CDH13: variants seen among roughly 807,000 people sequenced by gnomAD.
CDH13 encodes the protein cadherin 13, also known as cadherin-13.
Under a neutral mutation model 63.8 loss-of-function variants are expected in CDH13, and 24 were observed. The observed-to-expected ratio is 0.38, with a 90% confidence interval of 0.27 to 0.53. CDH13 has a LOEUF of 0.53. Ranked by LOEUF, CDH13 falls within the 20% of genes least tolerant of loss-of-function variation. The pLI, the probability that CDH13 is intolerant of heterozygous loss-of-function variation, is 0.85. For synonymous variants in CDH13, 503 were observed against 355.3 expected (o/e 1.42, Z -4.67); for missense variants, 1,049 against 903.1 (o/e 1.16, Z -2.07).
At chr16:83,546,601 C>T (rs766271587) in intron 7 of CDH13, among the ~76,000 whole-genome samples, 5 of 152,052 alleles carry the variant, frequency 3.3e-5, no homozygotes, top group Non-Finnish European at 7.3e-5. Flanking sequence ...GTATAACCAA[C>T]GTCTTATGCC....
chr16:83,188,037 C>G (rs1168900815), intron 4 of CDH13, among the ~76,000 whole-genome samples: 2 of 152,256 alleles, frequency 1.3e-5, no homozygotes, highest in East Asian at 3.9e-4. Context: ...ATGGCTGAAG[C>G]AGAGGGAGCA....
intron 2 of CDH13, 154 bp downstream of exon 2, chr16:82,858,627 A>C: frequency 1.4e-6 from 1 of 690,854 alleles, no homozygotes; most frequent in East Asian, 2.7e-5. Flanking sequence ...GAAATTCTTG[A>C]ATGAGGGCCT....
chr16:83,724,944 A>G (rs1910204978), intron 10 of CDH13, among the ~76,000 whole-genome samples: 1 of 152,206 alleles, frequency 6.6e-6, no homozygotes, highest in Non-Finnish European at 1.5e-5. Flanking sequence ...TGTCCTCATT[A>G]GGCCAATCAA....
chr16:82,881,688 G>T (rs1382564334), intron 2 of CDH13, among the ~76,000 whole-genome samples: 1 of 152,118 alleles, frequency 6.6e-6, no homozygotes, highest in Non-Finnish European at 1.5e-5. Flanking sequence ...AAGCCATCTG[G>T]TATCCATGGA....
chr16:83,455,284 C>A (rs1482942632), intron 6 of CDH13, among the ~76,000 whole-genome samples: 3 of 152,122 alleles, frequency 2.0e-5, no homozygotes, highest in Non-Finnish European at 4.4e-5. Flanking sequence ...TTCACTAACC[C>A]CCTCTAAACC....
At chr16:83,635,769 C>CAA (rs1911205690) in intron 8 of CDH13, among the ~76,000 whole-genome samples, 1 of 152,128 alleles carries the variant, frequency 6.6e-6, no homozygotes, top group Non-Finnish European at 1.5e-5. Context: ...TGTTCGTTAT[C>CAA]TTAATAGAAT....
intron 1 of CDH13, among the ~76,000 whole-genome samples, chr16:82,801,411 A>G (rs1318002204): frequency 6.6e-6 from 1 of 152,188 alleles, no homozygotes; most frequent in Non-Finnish European, 1.5e-5. Flanking sequence ...AGTCTAATCC[A>G]CACTGTCTCT....
At chr16:83,010,360 CTG>C (rs1384074735) in intron 2 of CDH13, among the ~76,000 whole-genome samples, 2 of 152,020 alleles carry the variant, frequency 1.3e-5, no homozygotes, top group African/African-American at 4.8e-5. Flanking sequence ...CCTGCATTAA[CTG>C]TAAGAGAAAG....
chr16:83,244,122 C>T (rs1473642216), intron 5 of CDH13, among the ~76,000 whole-genome samples: 2 of 151,910 alleles, frequency 1.3e-5, no homozygotes, highest in African/African-American at 4.8e-5. Context: ...CTCTTTTTTT[C>T]AGCATCCATT....
At chr16:83,715,117 C>A (rs1908690960) in intron 10 of CDH13, among the ~76,000 whole-genome samples, 1 of 152,050 alleles carries the variant, frequency 6.6e-6, no homozygotes, top group African/African-American at 2.4e-5. Flanking sequence ...TCATAAATAC[C>A]CCCACCTTAT....
At chr16:83,631,110 A>T (rs1364775524) in intron 8 of CDH13, among the ~76,000 whole-genome samples, 1 of 152,188 alleles carries the variant, frequency 6.6e-6, no homozygotes. Context: ...GCATGGTTCT[A>T]GTGAATGTAA....
intron 4 of CDH13, among the ~76,000 whole-genome samples, chr16:83,136,528 A>AAGG (rs1238152230): frequency 6.6e-6 from 1 of 151,268 alleles, no homozygotes; most frequent in Non-Finnish European, 1.5e-5. Flanking sequence ...TCACTAGAGG[A>AAGG]AGGAGAAACA....
intron 1 of CDH13, among the ~76,000 whole-genome samples, chr16:82,765,508 C>T (rs993213387): frequency 6.6e-6 from 1 of 152,164 alleles, no homozygotes; most frequent in East Asian, 1.9e-4. Context: ...CACCAACCAC[C>T]CCGTGAGCCT....
At chr16:83,563,047 T>C (rs1342473908) in intron 7 of CDH13, among the ~76,000 whole-genome samples, 2 of 152,224 alleles carry the variant, frequency 1.3e-5, no homozygotes, top group African/African-American at 4.8e-5. Context: ...GATTAGCTGG[T>C]CTACAAGATT....
At chr16:83,500,109 T>C (rs1312499979) in intron 7 of CDH13, among the ~76,000 whole-genome samples, 1 of 151,722 alleles carries the variant, frequency 6.6e-6, no homozygotes, top group Non-Finnish European at 1.5e-5. Context: ...GGCCCAATTC[T>C]GTTAATCATT....
At chr16:82,663,898 T>C (rs1912276697) in intron 1 of CDH13, among the ~76,000 whole-genome samples, 1 of 152,222 alleles carries the variant, frequency 6.6e-6, no homozygotes, top group African/African-American at 2.4e-5. Flanking sequence ...GAAAGTCTTC[T>C]CTACCCTCCC....
intron 3 of CDH13, among the ~76,000 whole-genome samples, chr16:83,089,917 C>A (rs191573963): frequency 2.6e-4 from 40 of 152,234 alleles, no homozygotes; most frequent in Admixed American, 1.3e-4. Flanking sequence ...ATAACGACAT[C>A]CTAAGAGATG....
chr16:83,129,935 C>G (rs1041369258), intron 4 of CDH13, among the ~76,000 whole-genome samples: 1 of 152,160 alleles, frequency 6.6e-6, no homozygotes, highest in Non-Finnish European at 1.5e-5. Context: ...TTCTCATGTC[C>G]TGGGCTTTTG....
intron 7 of CDH13, among the ~76,000 whole-genome samples, chr16:83,552,892 A>G (rs536559814): frequency 3.9e-5 from 6 of 152,306 alleles, no homozygotes; most frequent in Admixed American, 6.5e-5. Context: ...CAGCCTGACC[A>G]ATATGGTGAA....
Sources: gnomAD v4.1 joint callset for allele counts (sites outside exome capture counted in the v4.1 genomes callset) on GRCh38, gnomAD v4.1.1 for gene constraint, MANE v1.5 for transcripts, NCBI Gene and HGNC (gene_info 2026-07-23, HGNC 2026-07-21) for gene names.